Variants in APBA1 observed in about 807,000 individuals in gnomAD.
APBA1 encodes amyloid beta precursor protein binding family A member 1.
Under a neutral mutation model 86.6 loss-of-function variants are expected in APBA1, and 55 were observed. The observed-to-expected ratio is 0.64, with a 90% CI of 0.51 to 0.80. APBA1 has a LOEUF of 0.80. APBA1 is among the 30% of genes least tolerant of loss of function. The pLI is 0.00. For synonymous variants in APBA1, 511 were observed against 493.9 expected (o/e 1.03, Z -0.46); for missense variants, 1,090 against 1,183.0 (o/e 0.92, Z 1.15).
At chr9:69,611,205 T>C (rs188151694) in intron 1 of APBA1, among the ~76,000 whole-genome samples, 2 of 148,216 alleles carry the variant, frequency 1.3e-5, no homozygotes, top group Admixed American at 6.9e-5. Context: ...CAGGTCAAAA[T>C]CTTGAGCTCA....
intron 1 of APBA1, among the ~76,000 whole-genome samples, chr9:69,549,171 G>A (rs1836745150): frequency 6.6e-6 from 1 of 152,172 alleles, no homozygotes; most frequent in African/African-American, 2.4e-5. Context: ...CAAATCCAGG[G>A]GAAGGCCGTT....
chr9:69,432,420 G>T, intron 12 of APBA1, 116 bp downstream of exon 12: 2 of 1,087,450 alleles, frequency 1.8e-6, no homozygotes, highest in East Asian at 3.1e-5. Context: ...GGAGTGTTCA[G>T]GATTGGAAAC....
At chr9:69,608,515 G>C (rs1448371176) in intron 1 of APBA1, among the ~76,000 whole-genome samples, 1 of 152,184 alleles carries the variant, frequency 6.6e-6, no homozygotes, top group Non-Finnish European at 1.5e-5. Context: ...GGTAGACTGA[G>C]GAGGGAAGAG....
intron 1 of APBA1, among the ~76,000 whole-genome samples, chr9:69,573,161 AAAAT>A (rs1438212484): frequency 6.6e-6 from 1 of 152,186 alleles, no homozygotes; most frequent in African/African-American, 2.4e-5. Context: ...CATCTCAAAA[AAAAT>A]AAATAAATAA....
chr9:69,660,924 G>A (rs1177972490), intron 1 of APBA1, among the ~76,000 whole-genome samples: 3 of 152,192 alleles, frequency 2.0e-5, no homozygotes, highest in Non-Finnish European at 4.4e-5. Context: ...AGCACTGTGA[G>A]AGTTTAGATC....
At chr9:69,544,187 T>G (rs1041445226) in intron 1 of APBA1, among the ~76,000 whole-genome samples, 1 of 152,226 alleles carries the variant, frequency 6.6e-6, no homozygotes, top group African/African-American at 2.4e-5. Context: ...CCTGCATATG[T>G]AAGGTACCAT....
intron 2 of APBA1, among the ~76,000 whole-genome samples, chr9:69,492,141 T>A (rs1402163496): frequency 6.6e-6 from 1 of 152,122 alleles, no homozygotes. Context: ...GGTTATTAAA[T>A]GCTTAAGGCC....
At chr9:69,595,684 G>A (rs1822213311) in intron 1 of APBA1, among the ~76,000 whole-genome samples, 1 of 152,146 alleles carries the variant, frequency 6.6e-6, no homozygotes, top group Non-Finnish European at 1.5e-5. Flanking sequence ...TATCCACAGT[G>A]AGGCTAAATA....
chr9:69,436,972 GT>G (rs1028704173), intron 11 of APBA1, among the ~76,000 whole-genome samples: 2 of 151,998 alleles, frequency 1.3e-5, no homozygotes, highest in Non-Finnish European at 2.9e-5. Flanking sequence ...TTTATTGAGA[GT>G]TTTTTAGCAT....
At chr9:69,520,657 ACCT>A (rs1322073924) in intron 1 of APBA1, among the ~76,000 whole-genome samples, 1 of 152,028 alleles carries the variant, frequency 6.6e-6, no homozygotes, top group Non-Finnish European at 1.5e-5. Context: ...AAGAAATCAC[ACCT>A]CCTCACCTTC....
chr9:69,581,817 T>A (rs1015960220), intron 1 of APBA1, among the ~76,000 whole-genome samples: 5 of 152,108 alleles, frequency 3.3e-5, no homozygotes, highest in Non-Finnish European at 5.9e-5. Flanking sequence ...TTTTAGTCTC[T>A]TTGAGGGTAA....
At chr9:69,672,598 C>T (rs1823979421), upstream of APBA1, among the ~76,000 whole-genome samples, 1 of 150,418 alleles carries the variant, frequency 6.6e-6, no homozygotes, top group African/African-American at 2.4e-5. Context: ...CGTGGGCCGC[C>T]GGCTGCAGCG....
intron 1 of APBA1, among the ~76,000 whole-genome samples, chr9:69,651,869 C>A (rs1588412932): frequency 6.6e-6 from 1 of 152,274 alleles, no homozygotes; most frequent in East Asian, 1.9e-4. Context: ...CACACCAAAC[C>A]AAATATTAAG....
chr9:69,546,641 T>C (rs1201392806), intron 1 of APBA1, among the ~76,000 whole-genome samples: 1 of 152,212 alleles, frequency 6.6e-6, no homozygotes, highest in Admixed American at 6.5e-5. Flanking sequence ...ATTAATTTTA[T>C]CATTTTTCCA....
chr9:69,546,497 G>A (rs1206188927), intron 1 of APBA1, among the ~76,000 whole-genome samples: 1 of 152,154 alleles, frequency 6.6e-6, no homozygotes, highest in Non-Finnish European at 1.5e-5. Flanking sequence ...TGGCTTCCAC[G>A]GTCACAGATC....
chr9:69,654,135 A>G (rs1175168658), intron 1 of APBA1, among the ~76,000 whole-genome samples: 1 of 146,686 alleles, frequency 6.8e-6, no homozygotes, highest in Non-Finnish European at 1.5e-5. Flanking sequence ...AAAAAAAAAG[A>G]GGGAAGTTTA....
intron 2 of APBA1, among the ~76,000 whole-genome samples, chr9:69,503,409 C>T (rs1835907830): frequency 6.6e-6 from 1 of 151,916 alleles, no homozygotes; most frequent in African/African-American, 2.4e-5. Context: ...TTTATACTGC[C>T]TCACCTTGGT....
chr9:69,590,955 C>T lies in APBA1; in HGVS notation c.-69-73676G>A, dbSNP rs531264192. Among the ~76,000 whole-genome samples, 3 of 152,300 alleles carry T rather than the reference C, an allele frequency of 2.0e-5. No individual in the cohort carries two copies. In the East Asian group the frequency reaches 5.8e-4, roughly 29 times the overall value. ...ATGGCTTTCTGCTGAAAGTTTTCTG[C>T]CAAGTGCAAATCTGAATAGACCCGT... On this transcript the variant is annotated intron_variant, in intron 1 of 12. Coordinates refer to ENST00000265381, the MANE Select transcript of APBA1 (RefSeq NM_001163.4).
intron 1 of APBA1, among the ~76,000 whole-genome samples, chr9:69,627,031 C>T (rs1019107097): frequency 4.6e-5 from 7 of 152,108 alleles, no homozygotes; most frequent in Non-Finnish European, 7.4e-5. Flanking sequence ...ATTCAAAAAC[C>T]TCATACAATG....
Sources: gnomAD v4.1 joint callset for allele counts (sites outside exome capture counted in the v4.1 genomes callset) on GRCh38, gnomAD v4.1.1 for gene constraint, MANE v1.5 for transcripts, NCBI Gene and HGNC (gene_info 2026-07-23, HGNC 2026-07-21) for gene names.